The following IBTK variants were observed in gnomAD, a reference collection of about 807,000 sequenced individuals.
IBTK encodes BTK-binding protein.
A neutral mutation model predicts 154.9 loss-of-function variants in IBTK; 83 were observed. The ratio of observed to expected loss-of-function variants is 0.54; its 90% CI spans 0.45 to 0.64. IBTK has a LOEUF of 0.64. Among genes scored for constraint, IBTK ranks in the 30% least tolerant of loss-of-function variants. The probability of loss-of-function intolerance (pLI) is 0.00; values close to 1 mark genes in which losing one functional copy is unlikely to be tolerated. For missense variants in IBTK, 1,332 were observed against 1,584.6 expected (o/e 0.84, Z 2.71); for synonymous variants, 515 against 536.1 (o/e 0.96, Z 0.54).
chr6:82,210,679 A>G (rs1181604062), intron 16 of IBTK, 135 bp downstream of exon 16: 1 of 326,026 alleles, frequency 3.1e-6, no homozygotes, highest in East Asian at 6.4e-5. Context: ...TAAAAAATAA[A>G]TTAAATATTT....
chr6:82,185,458 G>A (rs753907183), intron 25 of IBTK, among the ~76,000 whole-genome samples: 1 of 151,356 alleles, frequency 6.6e-6, no homozygotes, highest in Non-Finnish European at 1.5e-5. Flanking sequence ...GGAGGCTGAG[G>A]TGGAAGGATT....
chr6:82,214,283 A>C lies in IBTK; in HGVS notation c.2148T>G (p.Pro716=). 6.2e-7 allele frequency: 1 copy of C among 1,613,238 alleles called. No homozygotes were observed. Among genetic ancestry groups the C allele is most frequent in the South Asian group, 1.1e-5 (1 of 90,926 alleles). Residue 716 remains proline, a synonymous_variant, in exon 12 of 29, where the codon CCT becomes CCG. Coordinates refer to ENST00000306270, the MANE Select transcript of IBTK (RefSeq NM_015525.4). ...TTGCAACAGTTTGCAACATTCTTAC[A>C]GGATCATCTTCCCTAATATTTTTTC... is the stretch of plus-strand genomic sequence containing the variant. The part of the protein sequence containing the change: ...KKGKNIREDD[P]VRMLQTVAKK...
At chr6:82,225,891 A>G (rs1232114680) in intron 5 of IBTK, among the ~76,000 whole-genome samples, 1 of 152,170 alleles carries the variant, frequency 6.6e-6, no homozygotes, top group African/African-American at 2.4e-5. Context: ...AATTCAACAA[A>G]TGATTTTTGA....
At chr6:82,177,271 G>A (rs563029774) in intron 26 of IBTK, among the ~76,000 whole-genome samples, 54 of 152,018 alleles carry the variant, frequency 3.6e-4, no homozygotes, top group African/African-American at 1.1e-3. Context: ...GTGCGGTGAC[G>A]TGATCCTGGC....
Position 82,229,255 on chromosome 6 carries a change from C to T in IBTK, c.544-1953G>A, listed in dbSNP as rs1384545231. Among the ~76,000 whole-genome samples, 3 of 152,120 alleles carry T rather than the reference C, an allele frequency of 2.0e-5. No homozygotes were observed. The East Asian group carries it at 5.8e-4, about 29-fold the overall frequency. Reference sequence around the variant, plus strand: ...TTCACAAAACACGCCCACTGCCTTGCCTTACCTGAAATGTGGCTTTCTCTT... The same window carrying T: ...TTCACAAAACACGCCCACTGCCTTGTCTTACCTGAAATGTGGCTTTCTCTT... On this transcript the variant is annotated intron_variant, in intron 4 of 28. Transcript: ENST00000306270.
chr6:82,233,981 G>C (rs6921532), intron 3 of IBTK, among the ~76,000 whole-genome samples, 178 bp downstream of exon 3: 1 of 151,064 alleles, frequency 6.6e-6, no homozygotes, highest in Non-Finnish European at 1.5e-5. Flanking sequence ...CGCCTGCCTC[G>C]GTCTACCAAA....
At chr6:82,180,212 A>T (rs1278296948) in intron 26 of IBTK, among the ~76,000 whole-genome samples, 1 of 152,106 alleles carries the variant, frequency 6.6e-6, no homozygotes, top group Non-Finnish European at 1.5e-5. Flanking sequence ...AATCTGCTTC[A>T]TATGTTAGTA....
Position 82,232,055 on chromosome 6 carries a change from T to G in IBTK, c.419-213A>C, listed in dbSNP as rs1184025128. 1.9e-4 allele frequency among the ~76,000 whole-genome samples: 23 copies of G among 118,034 alleles called. No individual in the cohort carries two copies. The South Asian group carries it at 3.1e-3, about 16-fold the overall frequency. The allele number at this position is 118,034 out of a possible 152,430, so 77.4% of individuals were successfully genotyped here. ...ATTTGTTCCTTGCTTCTTTTTTTTTTGTTGTTGTTTTTTTTTAATAATTGA... is the reference window on the plus strand; with the variant it reads ...ATTTGTTCCTTGCTTCTTTTTTTTTGGTTGTTGTTTTTTTTTAATAATTGA... On this transcript the variant is annotated intron_variant, in intron 3 of 28. Coordinates refer to ENST00000306270, the MANE Select transcript of IBTK (RefSeq NM_015525.4).
At chr6:82,216,390 ATCC>A in intron 10 of IBTK, 140 bp from the exon 11 acceptor site, 1 of 611,924 alleles carries the variant, frequency 1.6e-6, no homozygotes, top group Non-Finnish European at 2.8e-6. Flanking sequence ...GAAGAACTAC[ATCC>A]TCTCTTCAAC....
At chr6:82,216,274 A>C in intron 10 of IBTK, 24 bp from the exon 11 acceptor site, 1 of 1,474,828 alleles carries the variant, frequency 6.8e-7, no homozygotes, top group Non-Finnish European at 9.3e-7. Context: ...ATAAACTACC[A>C]TTAATCAAGG....
At chr6:82,192,547 G>C (rs966992420) in intron 23 of IBTK, among the ~76,000 whole-genome samples, 3 of 151,048 alleles carry the variant, frequency 2.0e-5, no homozygotes, top group Non-Finnish European at 3.0e-5. Flanking sequence ...AGGAGTTCGA[G>C]ACCAGCCTGG....
At chr6:82,213,665 C>T (rs1283627932) in intron 12 of IBTK, among the ~76,000 whole-genome samples, 1 of 152,174 alleles carries the variant, frequency 6.6e-6, no homozygotes, top group East Asian at 1.9e-4. Flanking sequence ...ACTTGAAAGA[C>T]CTTTCCAGCA....
intron 4 of IBTK, among the ~76,000 whole-genome samples, chr6:82,229,741 C>T (rs1453816947): frequency 6.6e-6 from 1 of 152,170 alleles, no homozygotes; most frequent in Non-Finnish European, 1.5e-5. Flanking sequence ...TCGCCCATCA[C>T]AAGTCCTTTC....
At chr6:82,229,896 A>G (rs1271384852) in intron 4 of IBTK, among the ~76,000 whole-genome samples, 1 of 152,136 alleles carries the variant, frequency 6.6e-6, no homozygotes, top group Non-Finnish European at 1.5e-5. Flanking sequence ...AATATTCTCT[A>G]GAGTTTAAGG....
chr6:82,190,961 T>C (rs1366818368), intron 25 of IBTK, 112 bp downstream of exon 25: 6 of 714,918 alleles, frequency 8.4e-6, no homozygotes, highest in Admixed American at 3.9e-5. Flanking sequence ...GGAGATAAAA[T>C]ACTTGAAAAG....
intron 23 of IBTK, 41 bp from the exon 24 acceptor site, chr6:82,191,920 C>A: frequency 8.8e-7 from 1 of 1,140,300 alleles, no homozygotes; most frequent in South Asian, 1.4e-5. Context: ...CATTCATTTA[C>A]CTATAAAGCC....
chr6:82,192,517 C>T (rs1004878452), intron 23 of IBTK, among the ~76,000 whole-genome samples: 114 of 151,118 alleles, frequency 7.5e-4, no homozygotes, highest in African/African-American at 2.7e-3. Flanking sequence ...GAGGCCGAGG[C>T]GGGTGGATCA....
At chr6:82,190,552 T>A (rs1768727001) in intron 25 of IBTK, among the ~76,000 whole-genome samples, 1 of 152,032 alleles carries the variant, frequency 6.6e-6, no homozygotes, top group African/African-American at 2.4e-5. Flanking sequence ...TAAATTCCAA[T>A]GGAGAAAATG....
At chr6:82,244,828 C>T (rs115605839) in intron 1 of IBTK, among the ~76,000 whole-genome samples, 2 of 152,016 alleles carry the variant, frequency 1.3e-5, no homozygotes, top group South Asian at 2.1e-4. Flanking sequence ...AATCATACCA[C>T]CAAGAAAAGA....
Sources: allele counts gnomAD v4.1 joint callset (sites outside exome capture counted in the v4.1 genomes callset), GRCh38; gene constraint gnomAD v4.1.1; transcripts MANE v1.5; gene names NCBI Gene and HGNC (gene_info 2026-07-23, HGNC 2026-07-21).